The following SCG3 variants were observed in gnomAD, a reference collection of about 807,000 sequenced individuals.
SCG3 encodes secretogranin III.
In SCG3, 38 loss-of-function variants were observed where a neutral mutation model predicts 56.2. The observed-to-expected ratio is 0.68, with a 90% CI of 0.52 to 0.89. The LOEUF (loss-of-function observed/expected upper bound fraction) is 0.89, where lower values mean the gene tolerates loss of function less well. SCG3 is among the 40% of genes least tolerant of loss of function. The pLI is 0.00. For synonymous variants in SCG3, 176 were observed against 184.2 expected, an observed-to-expected ratio of 0.96 and a Z score of 0.36; for missense variants, 524 against 540.7, an observed-to-expected ratio of 0.97 and a Z score of 0.31.
chr15:51,702,403 C>T (rs1413408763), intron 10 of SCG3, among the ~76,000 whole-genome samples: 2 of 152,062 alleles, frequency 1.3e-5, no homozygotes, highest in East Asian at 1.9e-4. Context: ...ACTACAGGCA[C>T]GCGCCACCCT....
chr15:51,704,790 TATATAC>T (rs1288840040), intron 10 of SCG3, among the ~76,000 whole-genome samples: 3 of 138,694 alleles, frequency 2.2e-5, no homozygotes, highest in Non-Finnish European at 4.7e-5. Context: ...TATATATATA[TATATAC>T]ATCTCTCTTT....
At chr15:51,687,596 A>G (rs1437005305) in intron 4 of SCG3, among the ~76,000 whole-genome samples, 1 of 152,214 alleles carries the variant, frequency 6.6e-6, no homozygotes, top group East Asian at 1.9e-4. Flanking sequence ...CTGTTGCCAT[A>G]TTTTAAAAGT....
chr15:51,714,963 A>C (rs972240167), intron 11 of SCG3, among the ~76,000 whole-genome samples: 2 of 152,250 alleles, frequency 1.3e-5, no homozygotes, highest in African/African-American at 4.8e-5. Flanking sequence ...GCCATCAATG[A>C]CTGCAAAGAC....
At chr15:51,696,519 C>G (rs1301901918) in intron 8 of SCG3, among the ~76,000 whole-genome samples, 1 of 152,094 alleles carries the variant, frequency 6.6e-6, no homozygotes, top group Non-Finnish European at 1.5e-5. Context: ...CCATGGCACT[C>G]CAGCCTGGGC....
intron 11 of SCG3, among the ~76,000 whole-genome samples, chr15:51,714,476 G>A (rs2055440738): frequency 6.6e-6 from 1 of 152,194 alleles, no homozygotes; most frequent in Non-Finnish European, 1.5e-5. Flanking sequence ...TGGAGAAGGA[G>A]GATTCTGACA....
In SCG3 at chr15:51,682,549, G is replaced by A; in HGVS notation, c.115G>A (p.Glu39Lys). 1 of 1,442,706 alleles carries A rather than the reference G, an allele frequency of 6.9e-7. No homozygotes were observed. The highest frequency in any genetic ancestry group is 1.4e-5 in the South Asian group (1 of 72,856). The allele number at this position is 1,442,706 out of a possible 1,614,324, so 89.4% of individuals were successfully genotyped here. Residue 39 changes from glutamate to lysine, a missense_variant, in exon 2 of 12, where the codon GAA (glutamate) becomes AAA (lysine). By Grantham distance (56) the Glu-to-Lys change is moderately conservative. Coordinates refer to ENST00000220478, the MANE Select transcript of SCG3 (RefSeq NM_013243.4). ...KSLHNRELSA[E>K]RPLNEQIAEA... ...TCTACATAATAGAGAATTAAGTGCAGAAAGACCTTTGAATGAACAGGTAGG... is the reference window on the plus strand; with the variant it reads ...TCTACATAATAGAGAATTAAGTGCAAAAAGACCTTTGAATGAACAGGTAGG...
At chr15:51,685,572 G>A (rs950376237) in intron 4 of SCG3, among the ~76,000 whole-genome samples, 1 of 152,190 alleles carries the variant, frequency 6.6e-6, no homozygotes, top group South Asian at 2.1e-4. Flanking sequence ...TGATTTGTGA[G>A]TAAGCTTCTG....
intron 7 of SCG3, among the ~76,000 whole-genome samples, chr15:51,694,921 C>G (rs937792142): frequency 6.6e-6 from 1 of 151,936 alleles, no homozygotes; most frequent in Non-Finnish European, 1.5e-5. Flanking sequence ...ATCCCAGCTA[C>G]TCGGGAGGCT....
chr15:51,705,522 C>CTT (rs766515836), intron 10 of SCG3, among the ~76,000 whole-genome samples: 2 of 142,864 alleles, frequency 1.4e-5, no homozygotes, highest in African/African-American at 2.6e-5. Flanking sequence ...TAGTGTTATT[C>CTT]TTTTTTTTTT....
chr15:51,697,956 GC>G (rs2055314516), intron 8 of SCG3, among the ~76,000 whole-genome samples: 1 of 152,176 alleles, frequency 6.6e-6, no homozygotes, highest in Non-Finnish European at 1.5e-5. Flanking sequence ...GCTCAGGGCA[GC>G]ATGGGTAGAA....
intron 7 of SCG3, among the ~76,000 whole-genome samples, chr15:51,694,468 T>C (rs2055288795): frequency 6.6e-6 from 1 of 151,190 alleles, no homozygotes; most frequent in Non-Finnish European, 1.5e-5. Context: ...TTGAGAAACA[T>C]AGGCTAATGG....
Position 51,683,385 on chromosome 15 carries a change from G to T in SCG3, c.348G>T (p.Leu116=). The change falls in exon 4 of 12, where the codon CTG becomes CTT. Residue 116 remains leucine, a synonymous_variant. Transcript: ENST00000220478. ...TTGATTCAACCAAGAATCGAAAACTGATCGATGATTATGACTCTACTAAGA... is the reference window on the plus strand; with the variant it reads ...TTGATTCAACCAAGAATCGAAAACTTATCGATGATTATGACTCTACTAAGA... The part of the protein sequence containing the change: ...EDVDSTKNRK[L]IDDYDSTKSG... The T allele has an allele frequency of 6.2e-7, 1 of 1,613,674 alleles. No homozygotes were observed. Among genetic ancestry groups the T allele is most frequent in the South Asian group, 1.1e-5 (1 of 90,986 alleles).
intron 8 of SCG3, among the ~76,000 whole-genome samples, chr15:51,697,717 T>C (rs1367894232): frequency 6.6e-6 from 1 of 152,236 alleles, no homozygotes; most frequent in Non-Finnish European, 1.5e-5. Context: ...TAAGTGTTTG[T>C]GTTTTTAAAT....
chr15:51,709,687 ATATATATATATATATTTTTTT>A (rs1567222270), intron 10 of SCG3, among the ~76,000 whole-genome samples: 8 of 13,944 alleles, frequency 5.7e-4, no homozygotes, highest in Non-Finnish European at 9.4e-4. Context: ...ATATATATAT[ATATATATATATATATTTTTTT>A]TTTTTTTTTT....
At chr15:51,691,904 C>T (rs965283399) in intron 6 of SCG3, among the ~76,000 whole-genome samples, 1 of 150,592 alleles carries the variant, frequency 6.6e-6, no homozygotes, top group African/African-American at 2.5e-5. Context: ...CAGAAATTCC[C>T]GTTTTTCCCC....
rs753611905 is a variant in SCG3 at position 51,688,405 on chromosome 15, A to C, written c.540+3A>C. 1.2e-6 allele frequency: 2 copies of C among 1,612,478 alleles called. No homozygotes were observed. The highest frequency in any genetic ancestry group is 1.7e-6 in the Non-Finnish European group (2 of 1,178,868). ...CTAAACTACTTAATCTCGGCCTTGT[A>C]AGTCATTTGGTAGGAAATAAACCAA... is the stretch of plus-strand genomic sequence containing the variant. On this transcript the variant is annotated splice_donor_region_variant and intron_variant, in intron 5 of 11. Coordinates refer to ENST00000220478, the MANE Select transcript of SCG3 (RefSeq NM_013243.4).
At chr15:51,702,498 C>T (rs2055345939) in intron 10 of SCG3, among the ~76,000 whole-genome samples, 1 of 152,128 alleles carries the variant, frequency 6.6e-6, no homozygotes, top group Non-Finnish European at 1.5e-5. Context: ...CTCAAGTGAT[C>T]CCCCCGCCTA....
rs994365898 is a variant in SCG3 at position 51,719,648 on chromosome 15, A to G, written c.*122A>G. On this transcript the variant is annotated 3_prime_UTR_variant, in exon 12 of 12. Transcript: ENST00000220478. ...GGTTATTAGAAAGTGCTGAATTTAC[A>G]GTAGTTAACCTTTTACAAGTGGTTA... 8 of 646,270 alleles carry G rather than the reference A, an allele frequency of 1.2e-5. No individual in the cohort carries two copies. Among genetic ancestry groups the G allele is most frequent in the Admixed American group, 3.0e-5 (1 of 33,726 alleles). The allele number at this position is 646,270 out of a possible 1,614,324, so 40.0% of individuals were successfully genotyped here.
At chr15:51,704,792 T>C (rs1444976758) in intron 10 of SCG3, among the ~76,000 whole-genome samples, 1 of 139,890 alleles carries the variant, frequency 7.1e-6, no homozygotes, top group Non-Finnish European at 1.6e-5. Flanking sequence ...TATATATATA[T>C]ATACATCTCT....
Sources: gnomAD v4.1 joint callset for allele counts (sites outside exome capture counted in the v4.1 genomes callset) on GRCh38, gnomAD v4.1.1 for gene constraint, MANE v1.5 for transcripts, NCBI Gene and HGNC (gene_info 2026-07-23, HGNC 2026-07-21) for gene names.